The following SLC46A3 variants were observed in gnomAD, a reference collection of about 807,000 sequenced individuals.
SLC46A3 encodes lysosomal proton-coupled steroid conjugate and bile acid symporter SLC46A3.
Under a neutral mutation model 38.5 loss-of-function variants are expected in SLC46A3, and 26 were observed. That is an observed-to-expected ratio of 0.68 (90% CI 0.49 to 0.94). SLC46A3 has a LOEUF of 0.94. Among genes scored for constraint, SLC46A3 ranks in the 40% least tolerant of loss-of-function variants. SLC46A3 has a pLI of 0.00. For synonymous variants in SLC46A3, 185 were observed against 192.5 expected (o/e 0.96, Z 0.32); for missense variants, 510 against 544.3 (o/e 0.94, Z 0.63).
rs146889753 is a variant in SLC46A3 at position 28,712,712 on chromosome 13, G to A, written c.1028C>T (p.Ala343Val). 100 of 1,603,046 alleles carry A rather than the reference G, an allele frequency of 6.2e-5. No individual in the cohort carries two copies. The African/African-American group carries it at 1.2e-3, about 20-fold the overall frequency. ...CATCATCAGTGTTGTACTGGCAAAC[G>A]CGGTCATAGCCATTCCTGTCATCGT... Reference protein sequence around the residue: ...FTTMTGMAMTAFASTTLMMFL... With the variant: ...FTTMTGMAMTVFASTTLMMFL... Residue 343 changes from alanine (A) to valine (V), a missense_variant, in exon 3 of 6, where the codon GCG becomes GTG. By Grantham distance (64) the Ala-to-Val change is moderately conservative. Coordinates refer to ENST00000266943, the MANE Select transcript of SLC46A3 (RefSeq NM_181785.4).
At position 28,709,043 on chromosome 13, in the gene SLC46A3, C is replaced by T. The variant is rs979780438; in HGVS notation, c.1144+1717G>A. ...ATCTTATGAGTGAAAAATAAGAGGC[C>T]GGGTGCGGTGGGTCACGCCTATAAT... On this transcript the variant is annotated intron_variant, in intron 4 of 5. Coordinates refer to ENST00000266943, the MANE Select transcript of SLC46A3 (RefSeq NM_181785.4). Among the ~76,000 whole-genome samples the T allele has an allele frequency of 5.3e-5, 8 of 151,890 alleles. No individual in the cohort carries two copies. In the East Asian group the frequency reaches 9.7e-4, roughly 18 times the overall value.
Position 28,713,259 on chromosome 13 carries a change from C to T in SLC46A3, c.481G>A (p.Glu161Lys), listed in dbSNP as rs1483977444. The T allele has an allele frequency of 6.2e-7, 1 of 1,613,894 alleles. No homozygotes were observed. The highest frequency in any genetic ancestry group is 8.5e-7 in the Non-Finnish European group (1 of 1,180,012). ...ATTCGAATTGTTTTTTGTTTGTGTTCTTTACACTGATCAACTATATAGGCA... is the reference window on the plus strand; with the variant it reads ...ATTCGAATTGTTTTTTGTTTGTGTTTTTTACACTGATCAACTATATAGGCA... ...CFAYIVDQCK[E>K]HKQKTIRIAI... The change falls in exon 3 of 6, where the codon GAA (glutamate) becomes AAA (lysine). Residue 161 changes from glutamate (E) to lysine (K), a missense_variant. Transcript: ENST00000266943.
rs1777550305 is a variant in SLC46A3 at position 28,701,600 on chromosome 13, C to T, written c.1302-19G>A. 1.2e-6 allele frequency: 2 copies of T among 1,604,248 alleles called. No homozygotes were observed. The highest frequency in any genetic ancestry group is 2.3e-5 in the South Asian group (2 of 88,496). ...GACAACACTATAAAAGGAAACAAGACATTTTAAAGTTGAGATTAAGACAAT... is the reference window on the plus strand; with the variant it reads ...GACAACACTATAAAAGGAAACAAGATATTTTAAAGTTGAGATTAAGACAAT... On this transcript the variant is annotated intron_variant, in intron 5 of 5. Coordinates refer to ENST00000266943, the MANE Select transcript of SLC46A3 (RefSeq NM_181785.4).
chr13:28,710,110 G>A (rs1273450705), intron 4 of SLC46A3, among the ~76,000 whole-genome samples: 2 of 152,154 alleles, frequency 1.3e-5, no homozygotes, highest in Non-Finnish European at 2.9e-5. Flanking sequence ...AGGATTCTCA[G>A]ACGTTTTCAG....
Position 28,703,017 on chromosome 13 carries a change from T to C in SLC46A3, c.1301+926A>G, listed in dbSNP as rs143419247. Among the ~76,000 whole-genome samples the C allele has an allele frequency of 3.4e-3, 512 of 152,290 alleles. 1 individual carries two copies. Among genetic ancestry groups the C allele is most frequent in the African/African-American group, 0.011 (448 of 41,568 alleles). ...CATTAATGTGTCAAATAAATTTGCT[T>C]GGACGTTTCAGCAATCATTCATCTA... On this transcript the variant is annotated intron_variant, in intron 5 of 5. Coordinates refer to ENST00000266943, the MANE Select transcript of SLC46A3 (RefSeq NM_181785.4).
Position 28,717,859 on chromosome 13 carries a change from A to G in SLC46A3, c.140T>C (p.Ile47Thr), listed in dbSNP as rs780291059. The G allele has an allele frequency of 1.2e-6, 2 of 1,613,948 alleles. No homozygotes were observed. Among genetic ancestry groups the G allele is most frequent in the Middle Eastern group, 1.6e-4 (1 of 6,062 alleles). The stretch of plus-strand genomic sequence containing the variant: ...GCTTTTGTTTTTTTCACACTCAGAA[A>G]TATTGCTATCAGATGAAAAAGTGTA... ...GNYTFSSDSNISECEKNKSSP... is the reference protein window; with the variant it reads ...GNYTFSSDSNTSECEKNKSSP... The change falls in exon 2 of 6, where the codon ATT (isoleucine) becomes ACT (threonine). Residue 47 changes from isoleucine to threonine, a missense_variant. By Grantham distance (89) the Ile-to-Thr change is moderately conservative. Transcript: ENST00000266943.
chr13:28,705,495 A>T (rs147881085), intron 4 of SLC46A3, among the ~76,000 whole-genome samples: 4 of 152,354 alleles, frequency 2.6e-5, no homozygotes, highest in African/African-American at 9.6e-5. Context: ...TAGGACAAAC[A>T]TTCATAAAAC....
intron 4 of SLC46A3, among the ~76,000 whole-genome samples, chr13:28,704,815 G>A (rs1885130840): frequency 6.6e-6 from 1 of 152,166 alleles, no homozygotes; most frequent in Non-Finnish European, 1.5e-5. Flanking sequence ...GCTTGCAACT[G>A]CCTCTGCCCT....
At chr13:28,708,013 G>A (rs913454026) in intron 4 of SLC46A3, among the ~76,000 whole-genome samples, 3 of 152,140 alleles carry the variant, frequency 2.0e-5, no homozygotes, top group Admixed American at 1.3e-4. Context: ...GTAACAGAAC[G>A]ATATTTCTTT....
chr13:28,704,943 G>A (rs920134078), intron 4 of SLC46A3, among the ~76,000 whole-genome samples: 1 of 152,186 alleles, frequency 6.6e-6, no homozygotes, highest in Non-Finnish European at 1.5e-5. Flanking sequence ...GTCAGTGCAA[G>A]CTCACAATCA....
At position 28,713,199 on chromosome 13, in the gene SLC46A3, C is replaced by T; in HGVS notation, c.541G>A (p.Gly181Arg). ...TAGCCAGATGACAGTCCTGTTAGTC[C>T]AGTAACAAGTCCAAGTAGAAAGTCA... Reference protein sequence around the residue: ...IIDFLLGLVTGLTGLSSGYFI... With the variant: ...IIDFLLGLVTRLTGLSSGYFI... Residue 181 changes from glycine (G) to arginine (R), a missense_variant, in exon 3 of 6, where the codon GGA (glycine) becomes AGA (arginine). Transcript: ENST00000266943. 1 of 1,614,054 alleles carries T rather than the reference C, an allele frequency of 6.2e-7. No homozygotes were observed. Among genetic ancestry groups the T allele is most frequent in the South Asian group, 1.1e-5 (1 of 91,060 alleles).
chr13:28,704,767 G>A lies in SLC46A3; in HGVS notation c.1145-668C>T, dbSNP rs77575543. On this transcript the variant is annotated intron_variant, in intron 4 of 5. Coordinates refer to ENST00000266943, the MANE Select transcript of SLC46A3 (RefSeq NM_181785.4). ...GTGAAGGTTTATGCCACAGTTTAAT[G>A]TTAAGTGATTCTTTAAAACATATGT... 8.0e-3 allele frequency among the ~76,000 whole-genome samples: 1,225 copies of A among 152,300 alleles called. 16 individuals carry two copies. Among genetic ancestry groups the A allele is most frequent in the African/African-American group, 0.028 (1,173 of 41,562 alleles).
chr13:28,714,240 T>C (rs1472473628), intron 2 of SLC46A3, among the ~76,000 whole-genome samples: 1 of 151,406 alleles, frequency 6.6e-6, no homozygotes. Context: ...GTGAGAAACA[T>C]CTTCCTTTAT....
chr13:28,713,433 G>A lies in SLC46A3; in HGVS notation c.307C>T (p.Pro103Ser), dbSNP rs778511038. 1.2e-6 allele frequency: 2 copies of A among 1,614,032 alleles called. No individual in the cohort carries two copies. Among genetic ancestry groups the A allele is most frequent in the Non-Finnish European group, 1.7e-6 (2 of 1,180,002 alleles). The change falls in exon 3 of 6, where the codon CCT becomes TCT. Residue 103 changes from proline to serine, a missense_variant. Pro to Ser is a moderately conservative substitution (Grantham distance 74). Coordinates refer to ENST00000266943, the MANE Select transcript of SLC46A3 (RefSeq NM_181785.4). ...GCACCAACGGAAGACAAAATCATAG[G>A]GAATTTTCGTCCGTAGTGATCACTA... The part of the protein sequence containing the change: ...SISDHYGRKF[P>S]MILSSVGALA...
chr13:28,710,706 G>A, intron 4 of SLC46A3, 54 bp downstream of exon 4: 1 of 1,311,386 alleles, frequency 7.6e-7, no homozygotes, highest in Middle Eastern at 1.8e-4. Context: ...ATTGTACACA[G>A]ATTTGAGTTT....
chr13:28,705,125 A>T (rs1566119388), intron 4 of SLC46A3, among the ~76,000 whole-genome samples: 1 of 152,232 alleles, frequency 6.6e-6, no homozygotes, highest in Non-Finnish European at 1.5e-5. Context: ...TTTCAGTCAG[A>T]TTGACCTGGC....
intron 1 of SLC46A3, 88 bp downstream of exon 1, chr13:28,718,408 T>C (rs1049379670): frequency 6.4e-5 from 10 of 156,224 alleles, no homozygotes; most frequent in African/African-American, 2.4e-4. Context: ...ACAATTGTTA[T>C]TGTTATTTTG....
intron 2 of SLC46A3, among the ~76,000 whole-genome samples, chr13:28,716,502 A>C (rs1359132363): frequency 3.3e-5 from 5 of 152,132 alleles, no homozygotes; most frequent in Non-Finnish European, 5.9e-5. Context: ...AAACACTTAC[A>C]AAAAGAAACT....
intron 4 of SLC46A3, among the ~76,000 whole-genome samples, chr13:28,708,000 C>T (rs751898954): frequency 6.6e-6 from 1 of 152,170 alleles, no homozygotes; most frequent in African/African-American, 2.4e-5. Context: ...CATGTTATGG[C>T]ATGTAACAGA....
Sources: gnomAD v4.1 joint callset for allele counts (sites outside exome capture counted in the v4.1 genomes callset) on GRCh38, gnomAD v4.1.1 for gene constraint, MANE v1.5 for transcripts, NCBI Gene and HGNC (gene_info 2026-07-23, HGNC 2026-07-21) for gene names.